The following WDR33 variants were observed in gnomAD, a reference collection of about 807,000 sequenced individuals.
WDR33 encodes pre-mRNA 3' end processing protein WDR33.
In WDR33, 47 loss-of-function variants were observed where a neutral mutation model predicts 164.9. The ratio of observed to expected loss-of-function variants is 0.29; its 90% CI spans 0.23 to 0.36. The LOEUF (loss-of-function observed/expected upper bound fraction) is 0.36. Among genes scored for constraint, WDR33 ranks in the 10% least tolerant of loss-of-function variants. The pLI is 1.00. For missense variants in WDR33, 1,137 were observed against 1,754.1 expected (o/e 0.65, Z 6.28); for synonymous variants, 505 against 589.0 (o/e 0.86, Z 2.06).
chr2:127,802,879 G>C (rs944128104), intron 1 of WDR33, among the ~76,000 whole-genome samples: 4 of 152,186 alleles, frequency 2.6e-5, no homozygotes, highest in African/African-American at 9.6e-5. Context: ...TACTTGGGAG[G>C]CTGAGGTGGG....
At chr2:127,754,411 C>T (rs1454379530) in intron 7 of WDR33, among the ~76,000 whole-genome samples, 1 of 151,916 alleles carries the variant, frequency 6.6e-6, no homozygotes, top group African/African-American at 2.4e-5. Flanking sequence ...CACAACAGTC[C>T]GTTCTCTTTT....
intron 7 of WDR33, among the ~76,000 whole-genome samples, chr2:127,732,235 C>T (rs954500582): frequency 1.3e-5 from 2 of 151,234 alleles, no homozygotes; most frequent in South Asian, 2.1e-4. Context: ...AGCTAGTAAC[C>T]GTTTTTTAGG....
At chr2:127,810,330 C>T (rs1287451355) in intron 1 of WDR33, among the ~76,000 whole-genome samples, 1 of 152,148 alleles carries the variant, frequency 6.6e-6, no homozygotes, top group Non-Finnish European at 1.5e-5. Flanking sequence ...ACCGACCTGC[C>T]GCCGCCGCCT....
intron 1 of WDR33, 79 bp downstream of exon 1, chr2:127,810,933 G>C (rs1273966054): frequency 6.5e-6 from 1 of 152,836 alleles, no homozygotes; most frequent in African/African-American, 2.4e-5. Flanking sequence ...CCCAAAGCAC[G>C]CAACGGCCGA....
chr2:127,810,062 A>ACATATATC (rs1689593007), intron 1 of WDR33, among the ~76,000 whole-genome samples: 3 of 45,056 alleles, frequency 6.7e-5, no homozygotes, highest in African/African-American at 5.6e-4. Context: ...ATACACACAC[A>ACATATATC]CATATATACA....
In WDR33 at chr2:127,724,300, T is replaced by C. The variant is rs763946912; in HGVS notation, c.1196+33A>G. The C allele has an allele frequency of 1.3e-5, 20 of 1,534,830 alleles. No individual in the cohort carries two copies. In the Admixed American group the frequency reaches 2.5e-4, roughly 19 times the overall value. The stretch of plus-strand genomic sequence containing the variant: ...ACAGTATTTATTTCCTGTTGCTCCA[T>C]ATAAAGCTTTGCTATTTCAATATAA... On this transcript the variant is annotated intron_variant, in intron 11 of 21. Transcript: ENST00000322313. The surrounding 1 kb of genome is among the most constrained non-coding windows in gnomAD (Gnocchi z 4.8).
At position 127,722,906 on chromosome 2, in the gene WDR33, G is replaced by T; in HGVS notation, c.1378+52C>A. On this transcript the variant is annotated intron_variant, in intron 13 of 21. Transcript: ENST00000322313. The surrounding 1 kb of genome is among the most constrained non-coding windows in gnomAD (Gnocchi z 5.1). ...CAATATATTTATCAGGAACATAAACGGGTCAAGAAAAAATTTGTAAAAATT... is the reference window on the plus strand; with the variant it reads ...CAATATATTTATCAGGAACATAAACTGGTCAAGAAAAAATTTGTAAAAATT... The T allele has an allele frequency of 1.3e-6, 2 of 1,519,234 alleles. No individual in the cohort carries two copies. The highest frequency in any genetic ancestry group is 2.5e-5 in the South Asian group (2 of 80,408). 94.1% of individuals were successfully genotyped at this position (1,519,234 alleles called of 1,614,324 possible).
At chr2:127,779,033 C>A (rs569690824) in intron 1 of WDR33, among the ~76,000 whole-genome samples, 1 of 151,968 alleles carries the variant, frequency 6.6e-6, no homozygotes, top group Non-Finnish European at 1.5e-5. Flanking sequence ...TAGAGCGAGG[C>A]TCTGGCATCA....
intron 7 of WDR33, among the ~76,000 whole-genome samples, chr2:127,739,849 T>C (rs1292225539): frequency 6.6e-6 from 1 of 152,218 alleles, no homozygotes; most frequent in East Asian, 1.9e-4. Flanking sequence ...TGTGAGAGCA[T>C]GTTCCCAAAG....
rs1670059157 is a variant in WDR33 at position 127,712,960 on chromosome 2, T to A, written c.3308+623A>T. Among the ~76,000 whole-genome samples the A allele has an allele frequency of 6.6e-6, 1 of 152,214 alleles. No individual in the cohort carries two copies. The highest frequency in any genetic ancestry group is 1.5e-5 in the Non-Finnish European group (1 of 68,042). ...TTTGTAGAGATGGAGTTACACTATG[T>A]CGTTCAGGCTGTTCTTCAATTCCTG... On this transcript the variant is annotated intron_variant, in intron 18 of 21. Coordinates refer to ENST00000322313, the MANE Select transcript of WDR33 (RefSeq NM_018383.5). This position sits in a 1 kb window ranked among gnomAD's most constrained non-coding sequence, Gnocchi z 4.0.
Position 127,722,921 on chromosome 2 carries a change from T to A in WDR33, c.1378+37A>T, listed in dbSNP as rs368010585. On this transcript the variant is annotated intron_variant, in intron 13 of 21. Coordinates refer to ENST00000322313, the MANE Select transcript of WDR33 (RefSeq NM_018383.5). This position sits in a 1 kb window ranked among gnomAD's most constrained non-coding sequence, Gnocchi z 5.1. ...GAACATAAACGGGTCAAGAAAAAAT[T>A]TGTAAAAATTAAATGTGTCTGTGTA... is the stretch of plus-strand genomic sequence containing the variant. The A allele has an allele frequency of 6.4e-7, 1 of 1,565,098 alleles. No homozygotes were observed. Among genetic ancestry groups the A allele is most frequent in the Non-Finnish European group, 8.6e-7 (1 of 1,157,628 alleles).
At chr2:127,759,467 G>C (rs976398095) in intron 7 of WDR33, among the ~76,000 whole-genome samples, 4 of 152,130 alleles carry the variant, frequency 2.6e-5, no homozygotes, top group Non-Finnish European at 4.4e-5. Flanking sequence ...GAGGAGCATG[G>C]ATCACGTGAG....
rs11305287 is a variant in WDR33 at position 127,809,031 on chromosome 2, C to CAAAAAA, written c.-24+1975_-24+1980dup. Among the ~76,000 whole-genome samples, 240 of 84,906 alleles carry CAAAAAA rather than the reference C, an allele frequency of 2.8e-3. 1 individual carries two copies. The highest frequency in any genetic ancestry group is 0.011 in the African/African-American group (228 of 21,522). 55.7% of individuals were successfully genotyped at this position (84,906 alleles called of 152,430 possible). A position where few individuals can be genotyped will look rare whatever the true frequency, so the allele number is the denominator to read the frequency against. Reference sequence around the variant, plus strand: ...GGGCGACAGAGCGAAACTCTTGTCTCAAAAAAAAAAAAAAAAAAAAAAGAA... The same window carrying CAAAAAA: ...GGGCGACAGAGCGAAACTCTTGTCTCAAAAAAAAAAAAAAAAAAAAAAAAAAAAGAA... On this transcript the variant is annotated intron_variant, in intron 1 of 21. Coordinates refer to ENST00000322313, the MANE Select transcript of WDR33 (RefSeq NM_018383.5).
rs1686516583 is a variant in WDR33, at chr2:127,724,481, A to C, written c.1086-38T>G. 6.3e-7 allele frequency: 1 copy of C among 1,576,430 alleles called. No homozygotes were observed. Among genetic ancestry groups the C allele is most frequent in the African/African-American group, 1.3e-5 (1 of 74,128 alleles). On this transcript the variant is annotated intron_variant, in intron 10 of 21. Coordinates refer to ENST00000322313, the MANE Select transcript of WDR33 (RefSeq NM_018383.5). The surrounding 1 kb of genome is among the most constrained non-coding windows in gnomAD (Gnocchi z 4.8). Reference sequence around the variant, plus strand: ...CAAAGAGAGAAGATTTGTTCACAAAAGTTACCCAGCTTCTCCCTCCCCCTC... The same window carrying C: ...CAAAGAGAGAAGATTTGTTCACAAACGTTACCCAGCTTCTCCCTCCCCCTC...
chr2:127,766,487 G>A (rs1368109266), intron 4 of WDR33, among the ~76,000 whole-genome samples: 1 of 152,110 alleles, frequency 6.6e-6, no homozygotes, highest in African/African-American at 2.4e-5. Flanking sequence ...CAACCAAACT[G>A]TAGACACAGA....
At chr2:127,806,738 C>T (rs1183170830) in intron 1 of WDR33, among the ~76,000 whole-genome samples, 3 of 143,336 alleles carry the variant, frequency 2.1e-5, no homozygotes, top group Non-Finnish European at 4.6e-5. Context: ...TGCTAATTGC[C>T]TTAGGTATGA....
At chr2:127,803,791 C>CA (rs377645474) in intron 1 of WDR33, among the ~76,000 whole-genome samples, 3 of 151,598 alleles carry the variant, frequency 2.0e-5, no homozygotes, top group African/African-American at 7.3e-5. Flanking sequence ...ATTGTTTTGC[C>CA]AAAAAAGCAA....
intron 7 of WDR33, among the ~76,000 whole-genome samples, chr2:127,744,768 AG>A (rs1680730403): frequency 6.6e-6 from 1 of 152,194 alleles, no homozygotes; most frequent in African/African-American, 2.4e-5. Flanking sequence ...CTTCCACCAC[AG>A]ATCTCAGGCT....
chr2:127,719,877 G>A lies in WDR33; in HGVS notation c.2148C>T (p.His716=). ...GPQGPPGPQG[H]IGPQGPPGPQ... ...GGCCAGGCGGGCCTTGGGGGCCTAT[G>A]TGACCCTGTGGGCCAGGTGGACCCT... The change falls in exon 16 of 22, where the codon CAC becomes CAT. Residue 716 remains histidine, a synonymous_variant. Transcript: ENST00000322313. This position sits in a 1 kb window ranked among gnomAD's most constrained non-coding sequence, Gnocchi z 6.5. 1 of 1,613,682 alleles carries A rather than the reference G, an allele frequency of 6.2e-7. No homozygotes were observed. The highest frequency in any genetic ancestry group is 8.5e-7 in the Non-Finnish European group (1 of 1,179,932).
Sources: gnomAD v4.1 joint callset for allele counts (sites outside exome capture counted in the v4.1 genomes callset) on GRCh38, gnomAD v4.1.1 for gene constraint, Gnocchi (gnomAD v3.1) non-coding constraint, MANE v1.5 for transcripts, NCBI Gene and HGNC (gene_info 2026-07-23, HGNC 2026-07-21) for gene names.